The following DPY19L1 variants were observed in gnomAD, a reference collection of about 807,000 sequenced individuals.
DPY19L1 encodes the protein dpy-19 like C-mannosyltransferase 1.
In DPY19L1, 35 loss-of-function variants were observed where a neutral mutation model predicts 96.9. The ratio of observed to expected loss-of-function variants is 0.36; its 90% CI spans 0.28 to 0.48. The LOEUF (loss-of-function observed/expected upper bound fraction) is 0.48. Ranked by LOEUF, DPY19L1 falls within the 20% of genes least tolerant of loss-of-function variation. DPY19L1 has a pLI of 0.99. For missense variants in DPY19L1, 521 were observed against 777.9 expected, an observed-to-expected ratio of 0.67 and a Z score of 3.93; for synonymous variants, 205 against 252.6, an observed-to-expected ratio of 0.81 and a Z score of 1.79.
intron 16 of DPY19L1, among the ~76,000 whole-genome samples, chr7:34,945,188 A>AG (rs1784117123): frequency 6.6e-6 from 1 of 152,238 alleles, no homozygotes; most frequent in South Asian, 2.1e-4. Context: ...AGCATGCTAT[A>AG]GGCCTCTCTA....
intron 1 of DPY19L1, among the ~76,000 whole-genome samples, chr7:35,025,080 C>A (rs993440330): frequency 1.3e-5 from 2 of 152,090 alleles, no homozygotes; most frequent in African/African-American, 4.8e-5. Flanking sequence ...ATATACAATA[C>A]AATTAAAGTA....
At chr7:35,037,811 C>T, upstream of DPY19L1, 1 of 1,225,066 alleles carries the variant, frequency 8.2e-7, no homozygotes. Context: ...CGCCCGGCTA[C>T]CCACACCTCT....
In DPY19L1 at chr7:35,036,281, A is replaced by G. The variant is rs1786397426; in HGVS notation, c.298+816T>C. ...TGAGGCATATAGAAAAAAGCAATGT[A>G]ACAGCATTTCACTAGTTGACTTAGA... On this transcript the variant is annotated intron_variant, in intron 1 of 21. Coordinates refer to ENST00000638088, the MANE Select transcript of DPY19L1 (RefSeq NM_001366673.1). 2.6e-5 allele frequency among the ~76,000 whole-genome samples: 4 copies of G among 152,252 alleles called. No homozygotes were observed. In the South Asian group the frequency reaches 8.3e-4, roughly 32 times the overall value.
chr7:34,935,431 T>C (rs1385583022), intron 21 of DPY19L1, among the ~76,000 whole-genome samples: 2 of 152,218 alleles, frequency 1.3e-5, no homozygotes, highest in Non-Finnish European at 2.9e-5. Flanking sequence ...CAGAGAACTG[T>C]AGTTAATTTA....
intron 6 of DPY19L1, among the ~76,000 whole-genome samples, chr7:35,002,383 G>T (rs1406616068): frequency 3.9e-5 from 6 of 151,914 alleles, no homozygotes; most frequent in African/African-American, 1.4e-4. Flanking sequence ...AAATAAGGCT[G>T]ATAAAATGTT....
chr7:35,037,846 G>A (rs1241691104), upstream of DPY19L1: 33 of 1,232,754 alleles, frequency 2.7e-5, no homozygotes, highest in East Asian at 7.9e-4. Context: ...GGGCTCGGCC[G>A]GTGCGAGGAC....
intron 1 of DPY19L1, among the ~76,000 whole-genome samples, chr7:35,033,053 T>C (rs543661576): frequency 1.3e-5 from 2 of 152,270 alleles, no homozygotes; most frequent in African/African-American, 4.8e-5. Context: ...GTCACTCTCC[T>C]CCTGTTGAGC....
Position 34,937,791 on chromosome 7 carries a change from G to A in DPY19L1, c.2090+203C>T, listed in dbSNP as rs1362981568. On this transcript the variant is annotated intron_variant, in intron 21 of 21. Coordinates refer to ENST00000638088, the MANE Select transcript of DPY19L1 (RefSeq NM_001366673.1). ...TCCACTAAAAATACAAAAATTAAGT[G>A]GAGCTTGCAGTGAGCCCAGATCATG... Among the ~76,000 whole-genome samples, 53 of 152,004 alleles carry A rather than the reference G, an allele frequency of 3.5e-4. 1 individual carries two copies.
intron 6 of DPY19L1, among the ~76,000 whole-genome samples, chr7:35,005,939 A>G (rs1785544907): frequency 6.6e-6 from 1 of 152,198 alleles, no homozygotes; most frequent in South Asian, 2.1e-4. Flanking sequence ...AAGAACTGGC[A>G]GCCAGTAGGG....
rs1562806072 is a variant in DPY19L1 at position 34,958,009 on chromosome 7, TA to T, written c.1153del (p.Tyr385MetfsTer6). ...CCAAATAATTACCAAAGAAGAAGCATAATAAGAAGTTAATAACATTGAGTTC... is the reference window on the plus strand; with the variant it reads ...CCAAATAATTACCAAAGAAGAAGCATATAAGAAGTTAATAACATTGAGTTC... ...FGNSMLLTSY[Y>X]ASSLVIIWGI... On this transcript the variant is annotated frameshift_variant, in exon 11 of 22. Coordinates refer to ENST00000638088, the MANE Select transcript of DPY19L1 (RefSeq NM_001366673.1). LOFTEE classifies it high-confidence loss of function. 6.3e-7 allele frequency: 1 copy of T among 1,584,646 alleles called. No homozygotes were observed. Among genetic ancestry groups the T allele is most frequent in the Non-Finnish European group, 8.5e-7 (1 of 1,169,690 alleles).
At chr7:35,026,726 C>A (rs1273180532) in intron 1 of DPY19L1, among the ~76,000 whole-genome samples, 2 of 152,108 alleles carry the variant, frequency 1.3e-5, no homozygotes, top group African/African-American at 4.8e-5. Flanking sequence ...TCAAAAGATA[C>A]ACTGAGGGAG....
chr7:35,015,817 A>C (rs1785832727), intron 3 of DPY19L1, among the ~76,000 whole-genome samples: 1 of 152,352 alleles, frequency 6.6e-6, no homozygotes, highest in Non-Finnish European at 1.5e-5. Context: ...CAAAGCCAAG[A>C]ACCCACATGG....
chr7:34,987,201 T>C (rs1785068470), intron 7 of DPY19L1, among the ~76,000 whole-genome samples: 1 of 152,084 alleles, frequency 6.6e-6, no homozygotes, highest in African/African-American at 2.4e-5. Context: ...AATTGCTAGC[T>C]TTCATCTTTG....
At chr7:34,939,480 G>C in intron 19 of DPY19L1, 105 bp from the exon 20 acceptor site, 1 of 887,266 alleles carries the variant, frequency 1.1e-6, no homozygotes, top group Non-Finnish European at 1.7e-6. Context: ...CGGAAGCCCA[G>C]CAGGTTCATG....
chr7:35,009,102 T>C (rs965888927), intron 6 of DPY19L1, among the ~76,000 whole-genome samples: 2 of 152,240 alleles, frequency 1.3e-5, no homozygotes, highest in African/African-American at 2.4e-5. Context: ...GTGTCTTAAA[T>C]CTATATGCAA....
chr7:34,995,634 A>C (rs1436034284), intron 6 of DPY19L1, among the ~76,000 whole-genome samples: 1 of 152,172 alleles, frequency 6.6e-6, no homozygotes, highest in African/African-American at 2.4e-5. Context: ...TGAGATTTTT[A>C]TCTCTATTTA....
At chr7:35,034,914 ACT>A (rs1230495962) in intron 1 of DPY19L1, among the ~76,000 whole-genome samples, 1 of 152,188 alleles carries the variant, frequency 6.6e-6, no homozygotes, top group Non-Finnish European at 1.5e-5. Context: ...TGTCAGCTCA[ACT>A]CTCACTCATT....
At chr7:34,954,622 C>T in intron 13 of DPY19L1, 76 bp downstream of exon 13, 1 of 804,768 alleles carries the variant, frequency 1.2e-6, no homozygotes, top group South Asian at 1.7e-5. Flanking sequence ...AATAGTGATA[C>T]TTGAATAACT....
chr7:34,979,305 A>G (rs1784891631), intron 7 of DPY19L1, among the ~76,000 whole-genome samples: 1 of 152,106 alleles, frequency 6.6e-6, no homozygotes, highest in African/African-American at 2.4e-5. Flanking sequence ...TATAAACTAC[A>G]CTGCTCAAGG....
Sources: allele counts gnomAD v4.1 joint callset (sites outside exome capture counted in the v4.1 genomes callset), GRCh38; gene constraint gnomAD v4.1.1; transcripts MANE v1.5; gene names NCBI Gene and HGNC (gene_info 2026-07-23, HGNC 2026-07-21).